The following SMAP1 variants were observed in gnomAD, a reference collection of about 807,000 sequenced individuals.
SMAP1 encodes the protein stromal membrane-associated protein 1.
Under a neutral mutation model 58.5 loss-of-function variants are expected in SMAP1, and 24 were observed. The ratio of observed to expected loss-of-function variants is 0.41; its 90% CI spans 0.30 to 0.58. SMAP1 has a LOEUF of 0.58. SMAP1 is among the 20% of genes least tolerant of loss of function. The pLI is 0.29. For synonymous variants in SMAP1, 216 were observed against 196.6 expected (o/e 1.10, Z -0.82); for missense variants, 563 against 566.3 (o/e 0.99, Z 0.06).
chr6:70,768,613 T>G (rs1207580642), intron 3 of SMAP1, among the ~76,000 whole-genome samples: 1 of 152,226 alleles, frequency 6.6e-6, no homozygotes, highest in East Asian at 1.9e-4. Flanking sequence ...TTATTATTTT[T>G]TATTGCGTCT....
chr6:70,818,390 G>A (rs1450465544), intron 6 of SMAP1, among the ~76,000 whole-genome samples: 1 of 151,874 alleles, frequency 6.6e-6, no homozygotes, highest in African/African-American at 2.4e-5. Context: ...TGGGCAAAAA[G>A]GGCAAAACTC....
chr6:70,771,573 T>C (rs1185354945), intron 3 of SMAP1, among the ~76,000 whole-genome samples: 1 of 152,140 alleles, frequency 6.6e-6, no homozygotes, highest in Non-Finnish European at 1.5e-5. Context: ...GGATATAATC[T>C]CCTGGTGCAC....
At chr6:70,706,691 A>G (rs1481680441) in intron 1 of SMAP1, among the ~76,000 whole-genome samples, 1 of 152,224 alleles carries the variant, frequency 6.6e-6, no homozygotes, top group Non-Finnish European at 1.5e-5. Context: ...GAAAAAATAT[A>G]TTAAACTTTC....
At chr6:70,694,122 AT>A in intron 1 of SMAP1, 1 of 321,844 alleles carries the variant, frequency 3.1e-6, no homozygotes, top group Non-Finnish European at 6.1e-6. Context: ...TTTGTGGTGG[AT>A]TTTCTGTTTA....
At chr6:70,787,642 T>C (rs990236057) in intron 4 of SMAP1, among the ~76,000 whole-genome samples, 7 of 152,122 alleles carry the variant, frequency 4.6e-5, no homozygotes, top group South Asian at 2.1e-4. Flanking sequence ...GGGCAAAGGA[T>C]ATGAACAGAC....
intron 9 of SMAP1, 162 bp from the exon 10 acceptor site, chr6:70,857,760 T>G (rs544574604): frequency 1.6e-6 from 1 of 644,398 alleles, no homozygotes; most frequent in Non-Finnish European, 2.6e-6. Flanking sequence ...CAACCAGCTC[T>G]CAGGGTTTAG....
chr6:70,742,830 C>T (rs772623510), intron 2 of SMAP1, among the ~76,000 whole-genome samples: 22 of 152,118 alleles, frequency 1.4e-4, no homozygotes, highest in East Asian at 5.8e-4. Flanking sequence ...GTGAAAGGCA[C>T]GTCTCACATG....
intron 6 of SMAP1, among the ~76,000 whole-genome samples, chr6:70,803,285 G>A (rs1048601980): frequency 5.3e-5 from 8 of 152,140 alleles, no homozygotes; most frequent in Admixed American, 2.0e-4. Context: ...GTTTATTTGC[G>A]TAGAGGTGTT....
chr6:70,783,127 GA>G (rs1418114635), intron 4 of SMAP1, among the ~76,000 whole-genome samples: 1 of 152,170 alleles, frequency 6.6e-6, no homozygotes, highest in African/African-American at 2.4e-5. Flanking sequence ...TGCGGTTCAT[GA>G]AAATCCGCTG....
chr6:70,771,286 C>G (rs547106688), intron 3 of SMAP1, among the ~76,000 whole-genome samples: 2 of 152,328 alleles, frequency 1.3e-5, no homozygotes, highest in Admixed American at 1.3e-4. Context: ...TCAAAGCTGT[C>G]AGACAGGGAT....
chr6:70,794,857 C>G (rs944598319), intron 5 of SMAP1, among the ~76,000 whole-genome samples: 2 of 145,976 alleles, frequency 1.4e-5, no homozygotes, highest in African/African-American at 5.2e-5. Context: ...GGCACGATCT[C>G]AGCTCACTGC....
At chr6:70,706,554 A>C (rs889705226) in intron 1 of SMAP1, among the ~76,000 whole-genome samples, 3 of 152,182 alleles carry the variant, frequency 2.0e-5, no homozygotes, top group African/African-American at 7.2e-5. Context: ...AAGTGAGTTC[A>C]TATTTTTGGT....
chr6:70,771,913 C>T (rs1562149337), intron 3 of SMAP1, among the ~76,000 whole-genome samples: 1 of 152,198 alleles, frequency 6.6e-6, no homozygotes, highest in Admixed American at 6.5e-5. Flanking sequence ...ACTATTCATT[C>T]ACTTTTCAAC....
At chr6:70,714,695 T>C (rs1768191760) in intron 1 of SMAP1, among the ~76,000 whole-genome samples, 1 of 152,040 alleles carries the variant, frequency 6.6e-6, no homozygotes, top group South Asian at 2.1e-4. Context: ...TTTTGTACTT[T>C]TTTTGGTATA....
intron 6 of SMAP1, among the ~76,000 whole-genome samples, chr6:70,835,595 C>T (rs564294052): frequency 6.6e-6 from 1 of 152,202 alleles, no homozygotes; most frequent in African/African-American, 2.4e-5. Context: ...CAGCCTTGAC[C>T]TCCTGGGCTC....
chr6:70,798,771 AT>A, intron 6 of SMAP1, 34 bp downstream of exon 6: 1 of 1,455,866 alleles, frequency 6.9e-7, no homozygotes, highest in Non-Finnish European at 9.2e-7. Context: ...ATCTATTAGG[AT>A]TACCATTTTA....
In SMAP1 at chr6:70,861,977, TCCTTTGTGAAAAATAAAAA is replaced by T; in HGVS notation, c.*1644_*1662del. On this transcript the variant is annotated 3_prime_UTR_variant, in exon 11 of 11. Transcript: ENST00000370455. ...AAATGACTTGAAGACTTACAGCAAA[TCCTTTGTGAAAAATAAAAA>T]AAAAAAAGAGACTTTAAAATCCTGG... 6.3e-7 allele frequency: 1 copy of T among 1,576,152 alleles called. No individual in the cohort carries two copies. The highest frequency in any genetic ancestry group is 8.6e-7 in the Non-Finnish European group (1 of 1,165,896).
chr6:70,764,535 A>G (rs1226409566), intron 3 of SMAP1, among the ~76,000 whole-genome samples: 1 of 152,234 alleles, frequency 6.6e-6, no homozygotes, highest in Admixed American at 6.5e-5. Context: ...ATTAAGCTAC[A>G]TCTATTCTGC....
At chr6:70,853,744 T>C (rs1458913253) in intron 8 of SMAP1, among the ~76,000 whole-genome samples, 2 of 152,186 alleles carry the variant, frequency 1.3e-5, no homozygotes, top group Admixed American at 6.5e-5. Flanking sequence ...AAAAAGAGAA[T>C]ATTGTTACTG....
Sources: allele counts gnomAD v4.1 joint callset (sites outside exome capture counted in the v4.1 genomes callset), GRCh38; gene constraint gnomAD v4.1.1; transcripts MANE v1.5; gene names NCBI Gene and HGNC (gene_info 2026-07-23, HGNC 2026-07-21).